The following MPRIP variants were observed in gnomAD, a reference collection of about 807,000 sequenced individuals.
MPRIP encodes the protein myosin phosphatase Rho interacting protein.
Under a neutral mutation model 234.9 loss-of-function variants are expected in MPRIP, and 59 were observed. That is an observed-to-expected ratio of 0.25 (90% confidence interval 0.20 to 0.31). The LOEUF (loss-of-function observed/expected upper bound fraction) is 0.31, where lower values mean the gene tolerates loss of function less well. Ranked by LOEUF, MPRIP falls within the 10% of genes least tolerant of loss-of-function variation. MPRIP has a pLI of 1.00. For missense variants in MPRIP, 2,436 were observed against 3,071.0 expected (o/e 0.79, Z 4.89); for synonymous variants, 1,144 against 1,263.9 (o/e 0.91, Z 2.01).
chr17:17,055,938 A>C (rs918511384), intron 1 of MPRIP, among the ~76,000 whole-genome samples: 6 of 152,174 alleles, frequency 3.9e-5, no homozygotes, highest in Admixed American at 6.5e-5. Context: ...GAGTTAAGAG[A>C]AGGGTAGAGA....
At chr17:17,155,951 T>C (rs1303799020) in intron 13 of MPRIP, among the ~76,000 whole-genome samples, 2 of 152,238 alleles carry the variant, frequency 1.3e-5, no homozygotes, top group Non-Finnish European at 2.9e-5. Context: ...CAAGCACCTT[T>C]AGGAAGCCAC....
intron 1 of MPRIP, chr17:17,057,517 A>T (rs1384696682): frequency 1.2e-5 from 8 of 694,134 alleles, no homozygotes; most frequent in Non-Finnish European, 2.1e-5. Context: ...AGCTGCTGGC[A>T]GAGGGCCCAC....
chr17:17,070,176 ATTT>A (rs906715479), intron 1 of MPRIP, among the ~76,000 whole-genome samples: 1 of 151,430 alleles, frequency 6.6e-6, no homozygotes, highest in South Asian at 2.1e-4. Context: ...TGCTTTTGAG[ATTT>A]TTTTTCTCTG....
chr17:17,047,842 G>C (rs1397517493), intron 1 of MPRIP, among the ~76,000 whole-genome samples: 1 of 152,192 alleles, frequency 6.6e-6, no homozygotes, highest in African/African-American at 2.4e-5. Context: ...GGAGGTGGTT[G>C]CTGAAATCAT....
chr17:17,173,111 C>T lies in MPRIP; in HGVS notation c.6590+296C>T, dbSNP rs372855060. Among the ~76,000 whole-genome samples the T allele has an allele frequency of 2.0e-5, 3 of 152,256 alleles. 1 individual carries two copies. The highest frequency in any genetic ancestry group is 4.1e-4 in the South Asian group (2 of 4,834). ...CCAGCAACTGCCCAGATGTGTTCTT[C>T]GACAGCTGCCCTGCTAGCCCACCAG... On this transcript the variant is annotated intron_variant, in intron 18 of 23. Transcript: ENST00000651222.
chr17:17,165,689 A>C lies in MPRIP; in HGVS notation c.4098A>C (p.Ala1366=), dbSNP rs1341916719. 1 of 1,305,012 alleles carries C rather than the reference A, an allele frequency of 7.7e-7. No individual in the cohort carries two copies. The highest frequency in any genetic ancestry group is 1.0e-6 in the Non-Finnish European group (1 of 989,018). 80.8% of individuals were successfully genotyped at this position (1,305,012 alleles called of 1,614,324 possible). Reference sequence around the variant, plus strand: ...AAGAAAGCATGTCCTCAGAGCCTGCACCCAGTGTACTGCCTGCAACTGGCG... The same window carrying C: ...AAGAAAGCATGTCCTCAGAGCCTGCCCCCAGTGTACTGCCTGCAACTGGCG... ...PSEESMSSEP[A]PSVLPATGDS... Residue 1366 remains alanine, a synonymous_variant, in exon 16 of 24, where the codon GCA becomes GCC. Coordinates refer to ENST00000651222, the MANE Select transcript of MPRIP (RefSeq NM_001364716.4).
chr17:17,119,064 C>CT (rs2090338872), intron 3 of MPRIP, among the ~76,000 whole-genome samples: 1 of 152,206 alleles, frequency 6.6e-6, no homozygotes, highest in Non-Finnish European at 1.5e-5. Flanking sequence ...AGCCCTGCTC[C>CT]TGTGTTGTGC....
intron 4 of MPRIP, 110 bp from the exon 5 acceptor site, chr17:17,131,507 C>T: frequency 1.2e-6 from 1 of 854,414 alleles, no homozygotes. Flanking sequence ...AGCAGTCTGT[C>T]ACTGGGGACA....
intron 1 of MPRIP, among the ~76,000 whole-genome samples, chr17:17,071,376 C>T (rs1384197731): frequency 6.6e-6 from 1 of 152,168 alleles, no homozygotes; most frequent in East Asian, 1.9e-4. Flanking sequence ...CTCCAGTACC[C>T]ACTCTGGGAT....
chr17:17,155,642 T>G (rs1188006718), intron 13 of MPRIP, among the ~76,000 whole-genome samples: 1 of 152,270 alleles, frequency 6.6e-6, no homozygotes, highest in Admixed American at 6.5e-5. Context: ...TTCTTTATAG[T>G]CCTCTTTTCT....
chr17:17,101,943 C>T (rs902186628), intron 3 of MPRIP, among the ~76,000 whole-genome samples: 1 of 152,188 alleles, frequency 6.6e-6, no homozygotes, highest in East Asian at 1.9e-4. Flanking sequence ...ACCCTTGGCT[C>T]AAATGTCACC....
At position 17,143,603 on chromosome 17, in the gene MPRIP, T is replaced by A. The variant is rs7212131; in HGVS notation, c.1437T>A (p.Ala479=). The A allele has an allele frequency of 3.0e-3, 4,796 of 1,604,570 alleles. 119 individuals are homozygous for A. The African/African-American group carries it at 0.056, about 19-fold the overall frequency. ...CAGCTCCTCTCCCAGACGCCTCGGC[T>A]TCCCCCCTGTCTCCACACCGAAGAG... ...APPAPLPDAS[A]SPLSPHRRAK... The change falls in exon 9 of 24, where the codon GCT becomes GCA. Residue 479 remains alanine (A), a synonymous_variant. Transcript: ENST00000651222.
At chr17:17,103,468 T>C (rs1314335900) in intron 3 of MPRIP, among the ~76,000 whole-genome samples, 1 of 152,218 alleles carries the variant, frequency 6.6e-6, no homozygotes, top group East Asian at 1.9e-4. Context: ...CCAGCTCACC[T>C]TGTGCTTTGA....
At chr17:17,145,507 G>A (rs927980357) in intron 9 of MPRIP, among the ~76,000 whole-genome samples, 1 of 152,224 alleles carries the variant, frequency 6.6e-6, no homozygotes, top group African/African-American at 2.4e-5. Context: ...TGCTTCTTGT[G>A]GGGGAATACA....
At chr17:17,090,980 C>T (rs560294122) in intron 3 of MPRIP, among the ~76,000 whole-genome samples, 15 of 152,020 alleles carry the variant, frequency 9.9e-5, no homozygotes, top group East Asian at 5.8e-4. Flanking sequence ...TGGGCCCTAA[C>T]GCTGTCAGGT....
Position 17,183,728 on chromosome 17 carries a change from CTA to C in MPRIP, c.7207-1093_7207-1092del, listed in dbSNP as rs1165560812. Among the ~76,000 whole-genome samples the C allele has an allele frequency of 5.3e-5, 8 of 152,358 alleles. No individual in the cohort carries two copies. The East Asian group carries it at 5.8e-4, about 11-fold the overall frequency. On this transcript the variant is annotated intron_variant, in intron 23 of 23. Transcript: ENST00000651222. ...GACCAGCCCATGCTCAGTCCCCAGT[CTA>C]TCACACCAGAGTCTCCAGGACAGTG...
intron 14 of MPRIP, among the ~76,000 whole-genome samples, chr17:17,160,876 G>A (rs2045847985): frequency 6.6e-6 from 1 of 152,180 alleles, no homozygotes; most frequent in African/African-American, 2.4e-5. Context: ...TTCCCCAGTG[G>A]ACACATTCCC....
In MPRIP at chr17:17,192,353, G is replaced by A. The variant is rs967714968; in HGVS notation, c.*7459G>A. ...GCTCGGGTCTAAGAAGTAGAGCCCC[G>A]GGGTAGGGTGGGCCATCCACTGTCA... On this transcript the variant is annotated 3_prime_UTR_variant, in exon 24 of 24. Transcript: ENST00000651222. 6 of 149,800 alleles carry A rather than the reference G, an allele frequency of 4.0e-5. No homozygotes were observed. The highest frequency in any genetic ancestry group is 2.5e-5 in the African/African-American group (1 of 40,640). 9.3% of individuals were successfully genotyped at this position (149,800 alleles called of 1,614,324 possible).
rs1484761451 is a variant in MPRIP, at chr17:17,143,640, G to A, written c.1474G>A (p.Asp492Asn). 1 of 1,607,320 alleles carries A rather than the reference G, an allele frequency of 6.2e-7. No homozygotes were observed. The highest frequency in any genetic ancestry group is 8.5e-7 in the Non-Finnish European group (1 of 1,177,248). Residue 492 changes from aspartate (D) to asparagine (N), a missense_variant, in exon 9 of 24, where the codon GAC becomes AAC. This residue lies in a region of MPRIP where 1,998 missense variants were observed against 2,520.3 expected (regional missense o/e 0.79). Coordinates refer to ENST00000651222, the MANE Select transcript of MPRIP (RefSeq NM_001364716.4). ...TCCACACCGAAGAGCCAAGTCACTG[G>A]ACAGGAGGTCCACGGAGCCCTCCGT... ...LSPHRRAKSL[D>N]RRSTEPSVTP...
Sources: gnomAD v4.1 joint callset for allele counts (sites outside exome capture counted in the v4.1 genomes callset) on GRCh38, gnomAD v4.1.1 for gene constraint, gnomAD v4.1.1 regional missense constraint, MANE v1.5 for transcripts, NCBI Gene and HGNC (gene_info 2026-07-23, HGNC 2026-07-21) for gene names.